The following SDK2 variants were observed in gnomAD, a reference collection of about 807,000 sequenced individuals.
The protein encoded by SDK2 is protein sidekick-2.
SDK2 carries 105 observed loss-of-function variants against 253.9 expected under a neutral mutation model. The observed-to-expected ratio is 0.41, with a 90% confidence interval of 0.35 to 0.49. The LOEUF is 0.49. SDK2 is among the 20% of genes least tolerant of loss of function. SDK2 has a pLI of 0.06. For missense variants in SDK2, 2,608 were observed against 3,003.0 expected (o/e 0.87, Z 3.07); for synonymous variants, 1,249 against 1,234.9 (o/e 1.01, Z -0.24).
rs111544522 is a variant in SDK2, at chr17:73,582,789, C to A, written c.64+61236G>T. Among the ~76,000 whole-genome samples the A allele has an allele frequency of 9.8e-3, 1,500 of 152,300 alleles. 16 individuals are homozygous for A. The highest frequency in any genetic ancestry group is 0.034 in the African/African-American group (1,411 of 41,544). Reference sequence around the variant, plus strand: ...GGTCTAGATCTGTCCATCCAAGAAGCCTTCTGGAAGATTCTGTGCTCCCCC... The same window carrying A: ...GGTCTAGATCTGTCCATCCAAGAAGACTTCTGGAAGATTCTGTGCTCCCCC... On this transcript the variant is annotated intron_variant, in intron 1 of 44. Transcript: ENST00000392650.
intron 1 of SDK2, among the ~76,000 whole-genome samples, chr17:73,602,974 C>T (rs1318604323): frequency 6.6e-6 from 1 of 152,194 alleles, no homozygotes; most frequent in Non-Finnish European, 1.5e-5. Flanking sequence ...ATCCACCCAC[C>T]TCAGCCTCCC....
chr17:73,504,642 A>G (rs948634437), intron 2 of SDK2, among the ~76,000 whole-genome samples: 3 of 151,364 alleles, frequency 2.0e-5, no homozygotes, highest in Non-Finnish European at 4.4e-5. Flanking sequence ...AAAAAAAAAA[A>G]AAAAAAAAAA....
chr17:73,585,167 C>T (rs2045587868), intron 1 of SDK2, among the ~76,000 whole-genome samples: 2 of 152,224 alleles, frequency 1.3e-5, no homozygotes, highest in African/African-American at 4.8e-5. Flanking sequence ...AATTGAAGCT[C>T]AGAGAAGTTA....
chr17:73,636,416 G>A (rs1048751334), intron 1 of SDK2, among the ~76,000 whole-genome samples: 7 of 152,216 alleles, frequency 4.6e-5, no homozygotes, highest in East Asian at 3.9e-4. Context: ...AGCCAAGTGC[G>A]GCAGCTCATG....
chr17:73,400,277 C>T (rs1233501390), intron 21 of SDK2, among the ~76,000 whole-genome samples: 3 of 152,210 alleles, frequency 2.0e-5, no homozygotes, highest in African/African-American at 7.2e-5. Context: ...CCTCGGCTTG[C>T]TCTCTGTGCC....
chr17:73,545,321 G>A (rs7210325), intron 1 of SDK2, among the ~76,000 whole-genome samples: 3,147 of 152,224 alleles, frequency 0.021, 64 homozygotes, highest in Middle Eastern at 0.041. Context: ...CACCCCTACT[G>A]TATGTGGTTC....
intron 2 of SDK2, among the ~76,000 whole-genome samples, chr17:73,483,635 A>ATGTGTGTG (rs1567799076): frequency 3.9e-5 from 2 of 51,652 alleles, no homozygotes; most frequent in African/African-American, 1.6e-4. Flanking sequence ...GTATATGTAT[A>ATGTGTGTG]TATATATGTG....
At position 73,447,888 on chromosome 17, in the gene SDK2, C is replaced by T; in HGVS notation, c.480-140G>A. 2 of 918,396 alleles carry T rather than the reference C, an allele frequency of 2.2e-6. No homozygotes were observed. Among genetic ancestry groups the T allele is most frequent in the South Asian group, 3.3e-5 (2 of 60,270 alleles). The allele number at this position is 918,396 out of a possible 1,614,324, so 56.9% of individuals were successfully genotyped here. A position where few individuals can be genotyped will look rare whatever the true frequency, so the allele number is the denominator to read the frequency against. ...CCCAGGGCCCCTCCTGCCACCCCCTCCCCAACCTCTTACTGCCTACATCCC... is the reference window on the plus strand; with the variant it reads ...CCCAGGGCCCCTCCTGCCACCCCCTTCCCAACCTCTTACTGCCTACATCCC... On this transcript the variant is annotated intron_variant, in intron 4 of 44. Transcript: ENST00000392650. The surrounding 1 kb of genome is among the most constrained non-coding windows in gnomAD (Gnocchi z 4.0).
chr17:73,494,986 C>T (rs538373142), intron 2 of SDK2, among the ~76,000 whole-genome samples: 1 of 152,348 alleles, frequency 6.6e-6, no homozygotes, highest in South Asian at 2.1e-4. Flanking sequence ...GTGAATCATT[C>T]TCTCTGAGCC....
At chr17:73,343,101 G>A (rs565337800) in intron 44 of SDK2, among the ~76,000 whole-genome samples, 3 of 152,310 alleles carry the variant, frequency 2.0e-5, no homozygotes, top group African/African-American at 7.2e-5. Context: ...GGTGGGGAGT[G>A]GGATTCTCTA....
chr17:73,480,677 G>A (rs1168265070), intron 2 of SDK2, among the ~76,000 whole-genome samples: 2 of 152,038 alleles, frequency 1.3e-5, no homozygotes, highest in African/African-American at 4.8e-5. Flanking sequence ...AGAGATCTAG[G>A]GAGAAAGAGA....
chr17:73,547,157 T>C (rs2044978980), intron 1 of SDK2, among the ~76,000 whole-genome samples: 1 of 152,216 alleles, frequency 6.6e-6, no homozygotes. Context: ...ATAGTCAGTG[T>C]CTCACAGAGT....
At chr17:73,387,031 G>A (rs778585445) in intron 30 of SDK2, among the ~76,000 whole-genome samples, 42 of 152,280 alleles carry the variant, frequency 2.8e-4, no homozygotes, top group Middle Eastern at 3.4e-3. Flanking sequence ...TGCGATCTTG[G>A]CTCACTGCAA....
At chr17:73,439,353 G>A (rs779997597) in intron 6 of SDK2, among the ~76,000 whole-genome samples, 1 of 152,098 alleles carries the variant, frequency 6.6e-6, no homozygotes, top group Non-Finnish European at 1.5e-5. Context: ...ATGCAAATGG[G>A]CTAATACGCC....
chr17:73,464,399 C>A lies in SDK2; in HGVS notation c.331+7713G>T, dbSNP rs146437596. On this transcript the variant is annotated intron_variant, in intron 3 of 44. Coordinates refer to ENST00000392650, the MANE Select transcript of SDK2 (RefSeq NM_001144952.2). The stretch of plus-strand genomic sequence containing the variant: ...AAGATGTGGCTTTGCTCCTCATTCA[C>A]CATGATGGTGAGGCCTCTCTAGCCA... Among the ~76,000 whole-genome samples, 729 of 152,350 alleles carry A rather than the reference C, an allele frequency of 4.8e-3. 7 individuals carry two copies. Among genetic ancestry groups the A allele is most frequent in the African/African-American group, 0.017 (692 of 41,574 alleles).
chr17:73,487,259 A>G lies in SDK2; in HGVS notation c.225-15041T>C, dbSNP rs905127912. Among the ~76,000 whole-genome samples, 6 of 152,350 alleles carry G rather than the reference A, an allele frequency of 3.9e-5. 1 individual carries two copies. In the East Asian group the frequency reaches 1.2e-3, roughly 29 times the overall value. On this transcript the variant is annotated intron_variant, in intron 2 of 44. Transcript: ENST00000392650. ...AGTACCTTGACTTTGTACAGGTGCT[A>G]TCTACACAGGTGGCTGGCTTTCTTC...
At chr17:73,429,415 A>G (rs2063308628) in intron 12 of SDK2, among the ~76,000 whole-genome samples, 1 of 152,230 alleles carries the variant, frequency 6.6e-6, no homozygotes, top group South Asian at 2.1e-4. Context: ...TCAACACTTC[A>G]TGAGGTGTTT....
At chr17:73,625,405 A>G (rs1227582116) in intron 1 of SDK2, among the ~76,000 whole-genome samples, 1 of 152,188 alleles carries the variant, frequency 6.6e-6, no homozygotes, top group Non-Finnish European at 1.5e-5. Flanking sequence ...GGGCAGCAGG[A>G]GAACAGGGTC....
Position 73,609,827 on chromosome 17 carries a change from C to T in SDK2, c.64+34198G>A, listed in dbSNP as rs182907403. Among the ~76,000 whole-genome samples the T allele has an allele frequency of 5.3e-5, 8 of 152,260 alleles. No individual in the cohort carries two copies. Among genetic ancestry groups the T allele is most frequent in the Non-Finnish European group, 8.8e-5 (6 of 68,020 alleles). ...GAGAACCTCCAGAAAACCTCGAGAG[C>T]CCCCAGGGCCCAAGGAGACAGAGTC... On this transcript the variant is annotated intron_variant, in intron 1 of 44. Transcript: ENST00000392650. The surrounding 1 kb of genome is among the most constrained non-coding windows in gnomAD (Gnocchi z 4.4).
Sources: gnomAD v4.1 joint callset for allele counts (sites outside exome capture counted in the v4.1 genomes callset) on GRCh38, gnomAD v4.1.1 for gene constraint, Gnocchi (gnomAD v3.1) non-coding constraint, MANE v1.5 for transcripts, NCBI Gene and HGNC (gene_info 2026-07-23, HGNC 2026-07-21) for gene names.